SVIL: variants seen among roughly 807,000 people sequenced by gnomAD.
The protein encoded by SVIL is supervillin, also known as archvillin.
Under a neutral mutation model 240.4 loss-of-function variants are expected in SVIL, and 101 were observed. That is an observed-to-expected ratio of 0.42 (90% CI 0.36 to 0.50). The LOEUF is 0.50. Among genes scored for constraint, SVIL ranks in the 20% least tolerant of loss-of-function variants. The pLI, the probability that SVIL is intolerant of heterozygous loss-of-function variation, is 0.01. For missense variants in SVIL, 2,512 were observed against 2,818.7 expected, an observed-to-expected ratio of 0.89 and a Z score of 2.46; for synonymous variants, 999 against 1,100.0, an observed-to-expected ratio of 0.91 and a Z score of 1.82.
At position 29,644,049 on chromosome 10, in the gene SVIL, C is replaced by T. The variant is rs1280809474; in HGVS notation, c.-201+13920G>A. On this transcript the variant is annotated intron_variant, in intron 3 of 35. Transcript: ENST00000375400. ...TCAGAGATGTACAAAGTGTGACATG[C>T]TCCGTTTGGGCCACTAGATATCTAA... The T allele has an allele frequency of 7.7e-6, 4 of 517,254 alleles. No homozygotes were observed. The East Asian group carries it at 2.2e-4, about 28-fold the overall frequency. The allele number at this position is 517,254 out of a possible 1,614,324, so 32.0% of individuals were successfully genotyped here.
At chr10:29,544,625 G>A (rs1047559579) in intron 6 of SVIL, among the ~76,000 whole-genome samples, 3 of 152,002 alleles carry the variant, frequency 2.0e-5, no homozygotes, top group East Asian at 3.9e-4. Flanking sequence ...GCATAGTGGC[G>A]TGCATCTGTT....
chr10:29,491,961 A>G (rs988552447), intron 21 of SVIL, among the ~76,000 whole-genome samples: 35 of 152,242 alleles, frequency 2.3e-4, no homozygotes, highest in African/African-American at 8.2e-4. Context: ...AAACAAATTG[A>G]GCAAACTGGA....
At chr10:29,580,641 A>G (rs905130279) in intron 1 of SVIL, among the ~76,000 whole-genome samples, 5 of 152,204 alleles carry the variant, frequency 3.3e-5, no homozygotes, top group African/African-American at 1.2e-4. Flanking sequence ...GCTGGAATGA[A>G]TGAATTAACT....
At chr10:29,592,039 T>A (rs1042879418) in intron 1 of SVIL, among the ~76,000 whole-genome samples, 42 of 152,224 alleles carry the variant, frequency 2.8e-4, no homozygotes, top group Non-Finnish European at 8.8e-5. Flanking sequence ...TCACTTGAGG[T>A]CAGGAGTTCG....
chr10:29,608,913 T>G (rs1276283335), intron 1 of SVIL, among the ~76,000 whole-genome samples: 1 of 151,626 alleles, frequency 6.6e-6, no homozygotes, highest in Non-Finnish European at 1.5e-5. Flanking sequence ...CAACCTGGAG[T>G]GAGAACTTCA....
intron 31 of SVIL, 120 bp downstream of exon 31, chr10:29,471,018 G>T (rs1443990417): frequency 2.2e-6 from 2 of 897,518 alleles, no homozygotes; most frequent in African/African-American, 1.6e-5. Context: ...ACATCAGGAG[G>T]CTTTCAGAGG....
rs138190166 is a variant in SVIL, at chr10:29,458,551, G to T, written c.6441C>A (p.Asp2147Glu). The T allele has an allele frequency of 1.9e-6, 3 of 1,612,486 alleles. No individual in the cohort carries two copies. The South Asian group carries it at 3.3e-5, about 18-fold the overall frequency. ...EVSNQITLVE[D>E]VLAKLCKTIY... ...TGGTTTTACAGAGCTTGGCTAAGAC[G>T]TCTTCCACGAGGGTGATCTGATTGG... The change falls in exon 37 of 38, where the codon GAC becomes GAA. Residue 2147 changes from aspartate (D) to glutamate (E), a missense_variant. Coordinates refer to ENST00000355867, the MANE Select transcript of SVIL (RefSeq NM_021738.3).
intron 11 of SVIL, 114 bp downstream of exon 11, chr10:29,530,493 C>T (rs944485584): frequency 1.7e-6 from 2 of 1,173,886 alleles, no homozygotes; most frequent in East Asian, 2.4e-5. Context: ...ACTGTGTTGC[C>T]CAGGCTGGTC....
At chr10:29,507,449 T>C (rs61849289) in intron 17 of SVIL, among the ~76,000 whole-genome samples, 48,582 of 151,904 alleles carry the variant, frequency 0.32, 7,933 homozygotes, top group African/African-American at 0.33. Context: ...GTGTGACTGA[T>C]CCTAAATATA....
chr10:29,578,758 C>A (rs1411975619), intron 1 of SVIL, among the ~76,000 whole-genome samples: 1 of 152,208 alleles, frequency 6.6e-6, no homozygotes, highest in East Asian at 1.9e-4. Context: ...ACTATCAATA[C>A]TGCTTGAATG....
At chr10:29,730,482 G>A (rs1055623282) in intron 1 of SVIL, among the ~76,000 whole-genome samples, 1 of 152,200 alleles carries the variant, frequency 6.6e-6, no homozygotes, top group African/African-American at 2.4e-5. Context: ...CTCCAAGATG[G>A]AAACCCTGGG....
chr10:29,659,012 A>G (rs1959082095), intron 2 of SVIL, among the ~76,000 whole-genome samples: 1 of 152,190 alleles, frequency 6.6e-6, no homozygotes, highest in South Asian at 2.1e-4. Flanking sequence ...CAATCTCTGC[A>G]TTTATTTTCC....
chr10:29,473,704 AGGACT>A, intron 30 of SVIL, 129 bp downstream of exon 30: 2 of 1,181,980 alleles, frequency 1.7e-6, no homozygotes, highest in Non-Finnish European at 2.4e-6. Context: ...AAGCCAGACC[AGGACT>A]GAAGTGCTTT....
chr10:29,622,741 C>T (rs907092959), intron 1 of SVIL, among the ~76,000 whole-genome samples: 2 of 152,172 alleles, frequency 1.3e-5, no homozygotes, highest in Non-Finnish European at 2.9e-5. Flanking sequence ...TAGGAAAGAA[C>T]AACCAAGCAG....
Position 29,688,695 on chromosome 10 carries a change from C to T in SVIL, c.-399-2044G>A, listed in dbSNP as rs538863252. On this transcript the variant is annotated intron_variant, in intron 1 of 35. Coordinates refer to the SVIL transcript ENST00000375400. Reference sequence around the variant, plus strand: ...ATCTACAAAAATGTCTAGGGTAACACGGCCCAAAAAAACATAAAAAAATCT... The same window carrying T: ...ATCTACAAAAATGTCTAGGGTAACATGGCCCAAAAAAACATAAAAAAATCT... Among the ~76,000 whole-genome samples, 27 of 152,080 alleles carry T rather than the reference C, an allele frequency of 1.8e-4. No individual in the cohort carries two copies. In the East Asian group the frequency reaches 4.6e-3, roughly 26 times the overall value.
intron 5 of SVIL, 99 bp from the exon 6 acceptor site, chr10:29,551,362 GC>G: frequency 8.1e-7 from 1 of 1,239,362 alleles, no homozygotes; most frequent in Non-Finnish European, 1.1e-6. Context: ...ACACCTGGGT[GC>G]CCATGCTGTG....
intron 18 of SVIL, among the ~76,000 whole-genome samples, chr10:29,496,874 ATAAAAGC>A (rs1164888017): frequency 2.0e-5 from 3 of 152,230 alleles, no homozygotes; most frequent in African/African-American, 7.2e-5. Context: ...AGTCATCAAG[ATAAAAGC>A]CTGGGCTAGA....
rs147843326 is a variant in SVIL, at chr10:29,687,995, A to C, written c.-399-1344T>G. Among the ~76,000 whole-genome samples, 930 of 152,272 alleles carry C rather than the reference A, an allele frequency of 6.1e-3. 15 individuals are homozygous for C. The highest frequency in any genetic ancestry group is 0.021 in the African/African-American group (884 of 41,546). ...CTGGGGTAAGCCATGAGAAACAAGC[A>C]TTGCAAATAGTTCACACACATATGC... is the stretch of plus-strand genomic sequence containing the variant. On this transcript the variant is annotated intron_variant, in intron 1 of 35. Transcript: ENST00000375400.
intron 13 of SVIL, among the ~76,000 whole-genome samples, chr10:29,526,142 C>G (rs925017984): frequency 1.3e-5 from 2 of 152,058 alleles, no homozygotes; most frequent in African/African-American, 2.4e-5. Flanking sequence ...TTTTCCCAGT[C>G]CCAAAATATA....
Sources: allele counts gnomAD v4.1 joint callset (sites outside exome capture counted in the v4.1 genomes callset), GRCh38; gene constraint gnomAD v4.1.1; transcripts MANE v1.5; gene names NCBI Gene and HGNC (gene_info 2026-07-23, HGNC 2026-07-21).